Variants in COMMD6 observed in about 807,000 individuals in gnomAD.
COMMD6 encodes the protein COMM domain-containing protein 6.
In COMMD6, 11 loss-of-function variants were observed where a neutral mutation model predicts 13.4. The observed-to-expected ratio is 0.82, with a 90% CI of 0.52 to 1.36. COMMD6 has a LOEUF of 1.36. COMMD6 is among the 40% of genes most tolerant of loss of function. The pLI, the probability that COMMD6 is intolerant of heterozygous loss-of-function variation, is 0.00. For synonymous variants in COMMD6, 43 were observed against 36.5 expected (o/e 1.18, Z -0.64); for missense variants, 124 against 102.4 (o/e 1.21, Z -0.91).
At chr13:75,531,170 T>C (rs146532061) in intron 2 of COMMD6, among the ~76,000 whole-genome samples, 123 of 152,322 alleles carry the variant, frequency 8.1e-4, no homozygotes, top group Middle Eastern at 3.4e-3. Context: ...TTGGAAAAGT[T>C]AGGATTTTTG....
In COMMD6 at chr13:75,530,183, C is replaced by A. The variant is rs199835756; in HGVS notation, c.138G>T (p.Met46Ile). The change falls in exon 3 of 4, where the codon ATG (methionine) becomes ATT (isoleucine). Residue 46 changes from methionine (M) to isoleucine (I), a missense_variant. Transcript: ENST00000682242. Reference protein sequence around the residue: ...RSLKYPYVAVMLKVADHSGQV... With the variant: ...RSLKYPYVAVILKVADHSGQV... ...GGCCTGAATGATCTGCCACTTTTAG[C>A]ATCACTGCAACGTAAGGATACTTAA... 260 of 1,613,226 alleles carry A rather than the reference C, an allele frequency of 1.6e-4. No homozygotes were observed. Among genetic ancestry groups the A allele is most frequent in the Non-Finnish European group, 2.1e-4 (245 of 1,179,354 alleles).
At chr13:75,545,533 C>T (rs531494796) in intron 1 of COMMD6, among the ~76,000 whole-genome samples, 120 of 151,466 alleles carry the variant, frequency 7.9e-4, no homozygotes, top group African/African-American at 2.7e-3. Flanking sequence ...GTGGCGGTGG[C>T]GCTATCTCTG....
chr13:75,537,221 T>A (rs184704487), intron 2 of COMMD6, among the ~76,000 whole-genome samples: 1 of 152,242 alleles, frequency 6.6e-6, no homozygotes, highest in African/African-American at 2.4e-5. Context: ...GGCTAAGATA[T>A]ACTTTAAAAG....
At chr13:75,540,660 T>C (rs543393595), upstream of COMMD6, among the ~76,000 whole-genome samples, 8 of 152,340 alleles carry the variant, frequency 5.3e-5, no homozygotes, top group East Asian at 1.5e-3. Context: ...TACACAAACT[T>C]CGCAGTTGGA....
intron 3 of COMMD6, chr13:75,529,704 G>A (rs4643195): frequency 0.77 from 119,477 of 155,372 alleles, 46,204 homozygotes; most frequent in African/African-American, 0.85. Flanking sequence ...GCTCTGACCT[G>A]TCTTTTGTAA....
At chr13:75,539,138 T>A (rs577986469), upstream of COMMD6, among the ~76,000 whole-genome samples, 1 of 152,154 alleles carries the variant, frequency 6.6e-6, no homozygotes, top group Non-Finnish European at 1.5e-5. Context: ...CTGTTCCTTC[T>A]TTTGCCACAT....
intron 3 of COMMD6, chr13:75,529,867 AG>A (rs2030408383): frequency 2.8e-6 from 1 of 353,562 alleles, no homozygotes; most frequent in Non-Finnish European, 5.1e-6. Context: ...AAATATACTC[AG>A]AGAGGAGTAC....
chr13:75,541,382 G>A (rs2138428829), upstream of COMMD6, among the ~76,000 whole-genome samples: 1 of 152,014 alleles, frequency 6.6e-6, no homozygotes, highest in African/African-American at 2.4e-5. Context: ...CTGCTTGACT[G>A]CTGGCTTCGG....
intron 3 of COMMD6, among the ~76,000 whole-genome samples, chr13:75,529,272 G>GCC (rs1345883123): frequency 6.6e-6 from 1 of 152,148 alleles, no homozygotes; most frequent in African/African-American, 2.4e-5. Context: ...TGTAATCCTG[G>GCC]CACTTTGGGA....
intron 2 of COMMD6, among the ~76,000 whole-genome samples, chr13:75,534,900 T>C (rs2030610007): frequency 6.6e-6 from 1 of 152,218 alleles, no homozygotes; most frequent in Admixed American, 6.5e-5. Flanking sequence ...CACTATTCAG[T>C]ATATACTAAG....
chr13:75,529,328 G>A (rs2030381080), intron 3 of COMMD6, among the ~76,000 whole-genome samples: 2 of 152,094 alleles, frequency 1.3e-5, no homozygotes, highest in Admixed American at 1.3e-4. Flanking sequence ...AGACCATCCT[G>A]GCTAACATGG....
intron 2 of COMMD6, among the ~76,000 whole-genome samples, chr13:75,535,287 G>A (rs908855743): frequency 2.0e-5 from 3 of 152,164 alleles, no homozygotes; most frequent in South Asian, 2.1e-4. Flanking sequence ...GGGCCCTGTA[G>A]GCCACAGTAA....
At chr13:75,535,209 T>C (rs1432686150) in intron 2 of COMMD6, among the ~76,000 whole-genome samples, 2 of 152,116 alleles carry the variant, frequency 1.3e-5, no homozygotes, top group African/African-American at 4.8e-5. Flanking sequence ...CAGGGAACAA[T>C]GAGGCCCAGG....
chr13:75,538,396 A>G (rs932365019), upstream of COMMD6, among the ~76,000 whole-genome samples: 3 of 152,214 alleles, frequency 2.0e-5, no homozygotes, highest in African/African-American at 4.8e-5. Flanking sequence ...AATCCATCCT[A>G]CAGGAAGTAT....
Position 75,530,237 on chromosome 13 carries a change from CA to C in COMMD6, c.83del (p.Met28ArgfsTer3), listed in dbSNP as rs1156456318. 6.2e-7 allele frequency: 1 copy of C among 1,612,290 alleles called. No individual in the cohort carries two copies. The highest frequency in any genetic ancestry group is 1.3e-5 in the African/African-American group (1 of 74,868). ...ATCTGCAAGTGTCTGAGCTCACAGC[CA>C]TACCCAGTTTCCACTGAAAATCTAC... ...QLVDFQWKLG[M>X]AVSSDTCRSL... On this transcript the variant is annotated frameshift_variant, in exon 3 of 4. Coordinates refer to ENST00000682242, the MANE Select transcript of COMMD6 (RefSeq NM_203495.4). LOFTEE classifies it high-confidence loss of function.
upstream of COMMD6, chr13:75,538,057 T>C (rs1348381940): frequency 7.0e-6 from 3 of 427,208 alleles, no homozygotes; most frequent in South Asian, 1.3e-4. Context: ...GAAGCGCTAA[T>C]TAAATTTAGG....
At chr13:75,530,711 A>G (rs186881724) in intron 2 of COMMD6, among the ~76,000 whole-genome samples, 2 of 152,352 alleles carry the variant, frequency 1.3e-5, no homozygotes, top group Admixed American at 6.5e-5. Flanking sequence ...TGTGCTATGC[A>G]GTTTACATGT....
intron 3 of COMMD6, chr13:75,527,776 CT>C (rs1225428728): frequency 7.1e-7 from 1 of 1,416,516 alleles, no homozygotes; most frequent in Non-Finnish European, 9.3e-7. Context: ...ACTGCGTGAT[CT>C]CACTTATATG....
chr13:75,537,539 G>T, intron 2 of COMMD6, 125 bp downstream of exon 2: 1 of 1,592,238 alleles, frequency 6.3e-7, no homozygotes, highest in Non-Finnish European at 8.6e-7. Flanking sequence ...CAAGAGGGAC[G>T]GCTGAAGGTC....
Sources: allele counts gnomAD v4.1 joint callset (sites outside exome capture counted in the v4.1 genomes callset), GRCh38; gene constraint gnomAD v4.1.1; transcripts MANE v1.5; gene names NCBI Gene and HGNC (gene_info 2026-07-23, HGNC 2026-07-21).